The following ATP6V0E1 variants were observed in gnomAD, a reference collection of about 807,000 sequenced individuals.
ATP6V0E1 encodes V-type proton ATPase subunit e 1.
A neutral mutation model predicts 11.6 loss-of-function variants in ATP6V0E1; 4 were observed. That is an observed-to-expected ratio of 0.35 (90% CI 0.17 to 0.79). The LOEUF (loss-of-function observed/expected upper bound fraction) is 0.79, where lower values mean the gene tolerates loss of function less well. ATP6V0E1 is among the 30% of genes least tolerant of loss of function. The pLI is 0.54. For synonymous variants in ATP6V0E1, 36 were observed against 34.8 expected (o/e 1.04, Z -0.13); for missense variants, 105 against 100.0 (o/e 1.05, Z -0.21).
rs33921331 is a variant in ATP6V0E1 at position 173,030,921 on chromosome 5, G to GTATTTATTTATT, written c.*37-3448_*37-3437dup. ...GCACCACCATGCTTGGCTAATTTTT[G>GTATTTATTTATT]TATTTATTTATTTATTTATTTATTT... On this transcript the variant is annotated intron_variant, in intron 3 of 3. Coordinates refer to ENST00000519374, the MANE Select transcript of ATP6V0E1 (RefSeq NM_003945.4). Among the ~76,000 whole-genome samples the GTATTTATTTATT allele has an allele frequency of 7.4e-3, 1,050 of 141,900 alleles. 6 individuals carry two copies. Among genetic ancestry groups the GTATTTATTTATT allele is most frequent in the East Asian group, 0.016 (74 of 4,716 alleles). The allele number at this position is 141,900 out of a possible 152,430, so 93.1% of individuals were successfully genotyped here.
chr5:173,002,569 CCTT>C (rs1340118873), intron 2 of ATP6V0E1, among the ~76,000 whole-genome samples: 1 of 152,146 alleles, frequency 6.6e-6, no homozygotes, highest in Non-Finnish European at 1.5e-5. Flanking sequence ...TGACCAGTCT[CCTT>C]CATAAGTGGT....
intron 1 of ATP6V0E1, chr5:172,986,555 G>C: frequency 7.6e-6 from 2 of 263,088 alleles, no homozygotes; most frequent in South Asian, 6.5e-5. Context: ...TTGAGACCAG[G>C]AGTTCCAGGA....
At chr5:172,990,166 T>TA (rs1020729747) in intron 1 of ATP6V0E1, among the ~76,000 whole-genome samples, 56 of 148,018 alleles carry the variant, frequency 3.8e-4, no homozygotes, top group South Asian at 8.5e-4. Flanking sequence ...TTTCTTTTAT[T>TA]AAAAAAAAAA....
rs867972138 is a variant in ATP6V0E1 at position 173,019,567 on chromosome 5, C to A, written c.153-671C>A. ...AGACTCCATCTCAAAAAAAAAAAAA[C>A]CCTGAAGTAAGATGTGACACCATTT... On this transcript the variant is annotated intron_variant, in intron 2 of 3. Transcript: ENST00000519374. Among the ~76,000 whole-genome samples the A allele has an allele frequency of 2.2e-4, 34 of 151,182 alleles. No individual in the cohort carries two copies. The South Asian group carries it at 5.7e-3, about 25-fold the overall frequency.
At chr5:173,024,212 A>AG (rs1756523149) in intron 3 of ATP6V0E1, among the ~76,000 whole-genome samples, 1 of 151,634 alleles carries the variant, frequency 6.6e-6, no homozygotes, top group Non-Finnish European at 1.5e-5. Flanking sequence ...AAAAAAAAAA[A>AG]AAAAGAAAGA....
chr5:173,000,373 G>T (rs1385970993), intron 2 of ATP6V0E1, among the ~76,000 whole-genome samples: 3 of 151,966 alleles, frequency 2.0e-5, no homozygotes, highest in East Asian at 3.8e-4. Flanking sequence ...TATATTTCTG[G>T]TCTTAGGTTA....
At chr5:172,984,800 A>T (rs1019418062) in intron 1 of ATP6V0E1, among the ~76,000 whole-genome samples, 1 of 152,156 alleles carries the variant, frequency 6.6e-6, no homozygotes. Flanking sequence ...TGAAACTTCG[A>T]CTGAAGTCAG....
intron 1 of ATP6V0E1, among the ~76,000 whole-genome samples, chr5:172,988,083 T>C (rs1755923550): frequency 1.3e-5 from 2 of 152,210 alleles, no homozygotes; most frequent in Admixed American, 6.6e-5. Context: ...TTTTTAAACT[T>C]TTTTTTGTTA....
intron 2 of ATP6V0E1, among the ~76,000 whole-genome samples, chr5:173,003,545 G>A (rs927431562): frequency 6.6e-6 from 1 of 152,140 alleles, no homozygotes; most frequent in Non-Finnish European, 1.5e-5. Flanking sequence ...CGGGGAGAAT[G>A]GAAGCAGGAA....
Position 173,020,266 on chromosome 5 carries a change from A to G in ATP6V0E1, c.181A>G (p.Asn61Asp). 1 of 1,613,940 alleles carries G rather than the reference A, an allele frequency of 6.2e-7. No individual in the cohort carries two copies. The highest frequency in any genetic ancestry group is 1.1e-5 in the South Asian group (1 of 91,074). Residue 61 changes from asparagine (N) to aspartate (D), a missense_variant, in exon 3 of 4, where the codon AAC becomes GAC. Coordinates refer to ENST00000519374, the MANE Select transcript of ATP6V0E1 (RefSeq NM_003945.4). Reference protein sequence around the residue: ...FWLIAILAQLNPLFGPQLKNE... With the variant: ...FWLIAILAQLDPLFGPQLKNE... ...GCTGATTGCAATTCTGGCCCAACTC[A>G]ACCCTCTCTTTGGACCGCAATTGAA... is the stretch of plus-strand genomic sequence containing the variant.
intron 1 of ATP6V0E1, 33 bp downstream of exon 1, chr5:172,983,997 G>T (rs764921012): frequency 6.2e-7 from 1 of 1,600,990 alleles, no homozygotes; most frequent in South Asian, 1.1e-5. Context: ...GGGAGGAACG[G>T]GCGGTGAGGA....
At chr5:173,008,287 TTTTTCTTTTC>T (rs1262282903) in intron 2 of ATP6V0E1, among the ~76,000 whole-genome samples, 2 of 151,624 alleles carry the variant, frequency 1.3e-5, no homozygotes, top group East Asian at 3.9e-4. Flanking sequence ...TGTTCCTTTT[TTTTTCTTTTC>T]TTTTCTTTTT....
chr5:173,020,621 T>C, intron 3 of ATP6V0E1: 1 of 539,966 alleles, frequency 1.9e-6, no homozygotes, highest in Admixed American at 2.1e-5. Context: ...TAAGCTTGCA[T>C]GCACTCTTTC....
At chr5:173,021,510 A>G (rs1229517388) in intron 3 of ATP6V0E1, among the ~76,000 whole-genome samples, 1 of 152,124 alleles carries the variant, frequency 6.6e-6, no homozygotes, top group Non-Finnish European at 1.5e-5. Flanking sequence ...AACTGCCCCC[A>G]TGATTCAGTT....
At chr5:173,004,478 C>T (rs1034564262) in intron 2 of ATP6V0E1, among the ~76,000 whole-genome samples, 1 of 151,968 alleles carries the variant, frequency 6.6e-6, no homozygotes, top group Non-Finnish European at 1.5e-5. Flanking sequence ...GGTACGTGAA[C>T]AAGTAGCAGA....
chr5:173,025,973 T>C (rs2113613162), intron 3 of ATP6V0E1, among the ~76,000 whole-genome samples: 1 of 152,026 alleles, frequency 6.6e-6, no homozygotes, highest in Middle Eastern at 3.4e-3. Flanking sequence ...GCCTCGGCAA[T>C]ATATCAAGAC....
intron 2 of ATP6V0E1, among the ~76,000 whole-genome samples, chr5:173,017,391 G>A (rs1391404540): frequency 1.3e-5 from 2 of 151,858 alleles, no homozygotes; most frequent in African/African-American, 2.4e-5. Flanking sequence ...AAAATTAGCC[G>A]AGTGTGGTGG....
chr5:173,003,179 G>A (rs140244308), intron 2 of ATP6V0E1, among the ~76,000 whole-genome samples: 77 of 152,188 alleles, frequency 5.1e-4, no homozygotes, highest in Non-Finnish European at 9.3e-4. Context: ...AGCAGCAGGG[G>A]GCTGAAGGAT....
Position 173,034,460 on chromosome 5 carries a change from ACTTG to A in ATP6V0E1, c.*100_*103del, listed in dbSNP as rs1231702501. On this transcript the variant is annotated 3_prime_UTR_variant, in exon 4 of 4. Transcript: ENST00000519374. ...CCTCCAAACCAGACCACTTTTCTTG[ACTTG>A]CCTGTTTTGGCCATTAGCTGCCTTA... 1.4e-6 allele frequency: 1 copy of A among 702,682 alleles called. No individual in the cohort carries two copies. The highest frequency in any genetic ancestry group is 2.6e-6 in the Non-Finnish European group (1 of 384,870). The allele number at this position is 702,682 out of a possible 1,614,324, so 43.5% of individuals were successfully genotyped here.
Sources: allele counts gnomAD v4.1 joint callset (sites outside exome capture counted in the v4.1 genomes callset), GRCh38; gene constraint gnomAD v4.1.1; transcripts MANE v1.5; gene names NCBI Gene and HGNC (gene_info 2026-07-23, HGNC 2026-07-21).